NPAS3: variants seen among roughly 807,000 people sequenced by gnomAD.
NPAS3 encodes neuronal PAS domain-containing protein 3.
Under a neutral mutation model 73.1 loss-of-function variants are expected in NPAS3, and 14 were observed. That is an observed-to-expected ratio of 0.19 (90% CI 0.13 to 0.30). The LOEUF is 0.30. Among genes scored for constraint, NPAS3 ranks in the 10% least tolerant of loss-of-function variants. The probability of loss-of-function intolerance (pLI) is 1.00; values close to 1 mark genes in which losing one functional copy is unlikely to be tolerated. For synonymous variants in NPAS3, 620 were observed against 541.5 expected, an observed-to-expected ratio of 1.14 and a Z score of -2.01; for missense variants, 1,096 against 1,250.0, an observed-to-expected ratio of 0.88 and a Z score of 1.86.
At chr14:33,669,196 C>T (rs564871062) in intron 5 of NPAS3, among the ~76,000 whole-genome samples, 88 of 152,308 alleles carry the variant, frequency 5.8e-4, no homozygotes, top group African/African-American at 1.8e-3. Context: ...ACTTTTAAGA[C>T]TGTTAATGTT....
At chr14:33,727,247 T>A (rs1478578781) in intron 6 of NPAS3, among the ~76,000 whole-genome samples, 1 of 152,156 alleles carries the variant, frequency 6.6e-6, no homozygotes, top group Admixed American at 6.6e-5. Flanking sequence ...TAAAATAGTA[T>A]ATTAAAGTAA....
intron 6 of NPAS3, among the ~76,000 whole-genome samples, chr14:33,729,555 C>G (rs2061352314): frequency 6.6e-6 from 1 of 152,270 alleles, no homozygotes; most frequent in African/African-American, 2.4e-5. Context: ...CATCTGAAGG[C>G]TCACCTAAAG....
At chr14:33,617,625 A>G (rs1418771562) in intron 5 of NPAS3, among the ~76,000 whole-genome samples, 1 of 152,190 alleles carries the variant, frequency 6.6e-6, no homozygotes, top group African/African-American at 2.4e-5. Flanking sequence ...CTCAAAATTA[A>G]TATACATTTT....
At chr14:33,642,633 T>C (rs2058704637) in intron 5 of NPAS3, among the ~76,000 whole-genome samples, 2 of 152,148 alleles carry the variant, frequency 1.3e-5, no homozygotes. Context: ...ATAAATGCAA[T>C]TTTAGACTTG....
chr14:33,232,862 G>GTTACAATTTCACTTTA (rs748899211), intron 3 of NPAS3, among the ~76,000 whole-genome samples: 1,543 of 152,274 alleles, frequency 0.01, 10 homozygotes, highest in Middle Eastern at 0.031. Flanking sequence ...TTTAAGTACA[G>GTTACAATTTCACTTTA]GTTTCTCAGA....
chr14:33,613,761 C>G (rs2057826241), intron 5 of NPAS3, among the ~76,000 whole-genome samples: 1 of 152,130 alleles, frequency 6.6e-6, no homozygotes, highest in Admixed American at 6.5e-5. Flanking sequence ...CAAAATCTAT[C>G]CAATCTACAA....
chr14:33,219,768 T>C (rs2047354945), intron 3 of NPAS3, among the ~76,000 whole-genome samples: 1 of 152,160 alleles, frequency 6.6e-6, no homozygotes, highest in Non-Finnish European at 1.5e-5. Flanking sequence ...TGAGTACAGG[T>C]CGTACTCAGA....
Position 33,774,548 on chromosome 14 carries a change from T to C in NPAS3, c.1046+18T>C. The C allele has an allele frequency of 6.2e-6, 10 of 1,603,384 alleles. No homozygotes were observed. The highest frequency in any genetic ancestry group is 7.7e-6 in the Non-Finnish European group (9 of 1,170,708). The stretch of plus-strand genomic sequence containing the variant: ...GAAAATAGGTACTTTGTTTTTGTTT[T>C]CATTTGCCCTGTTGCACGTTGCACA... On this transcript the variant is annotated intron_variant, in intron 8 of 11. Transcript: ENST00000356141.
chr14:33,110,753 C>T (rs1395200924), intron 2 of NPAS3, among the ~76,000 whole-genome samples: 1 of 152,012 alleles, frequency 6.6e-6, no homozygotes, highest in Non-Finnish European at 1.5e-5. Flanking sequence ...ACCAAATGCG[C>T]ATTTCTATAT....
At chr14:33,596,827 A>G (rs1043781112) in intron 5 of NPAS3, among the ~76,000 whole-genome samples, 1 of 152,196 alleles carries the variant, frequency 6.6e-6, no homozygotes, top group Non-Finnish European at 1.5e-5. Context: ...TGATTGTGTG[A>G]CAGCTTCGTG....
chr14:33,446,297 T>G (rs1454452413), intron 4 of NPAS3, among the ~76,000 whole-genome samples: 1 of 149,904 alleles, frequency 6.7e-6, no homozygotes, highest in African/African-American at 2.4e-5. Flanking sequence ...TGCCTCAGCC[T>G]CCCGAGTAGC....
At chr14:33,657,294 A>G (rs1360227252) in intron 5 of NPAS3, among the ~76,000 whole-genome samples, 1 of 152,194 alleles carries the variant, frequency 6.6e-6, no homozygotes, top group Non-Finnish European at 1.5e-5. Flanking sequence ...GAGAGGAGAG[A>G]GGCCACATAC....
intron 5 of NPAS3, among the ~76,000 whole-genome samples, chr14:33,568,656 TAC>T (rs962839509): frequency 1.4e-4 from 21 of 152,316 alleles, no homozygotes; most frequent in Middle Eastern, 3.4e-3. Flanking sequence ...TTCATTTCTA[TAC>T]ACACACATTC....
intron 3 of NPAS3, among the ~76,000 whole-genome samples, chr14:33,318,627 T>A (rs2043306737): frequency 6.6e-6 from 1 of 152,150 alleles, no homozygotes; most frequent in African/African-American, 2.4e-5. Context: ...TAATAATTGC[T>A]GAATCAAGGT....
chr14:32,985,665 A>G (rs763553905), intron 1 of NPAS3, among the ~76,000 whole-genome samples: 5 of 152,312 alleles, frequency 3.3e-5, no homozygotes, highest in Non-Finnish European at 7.3e-5. Flanking sequence ...CTCATAAGAA[A>G]AGATACACCA....
chr14:33,735,587 G>A (rs1024217447), intron 7 of NPAS3, among the ~76,000 whole-genome samples: 2 of 152,026 alleles, frequency 1.3e-5, no homozygotes, highest in African/African-American at 4.8e-5. Context: ...TATGCCAAGT[G>A]CTTCAGCACC....
intron 3 of NPAS3, among the ~76,000 whole-genome samples, chr14:33,231,236 T>C (rs1249649006): frequency 6.6e-6 from 1 of 152,232 alleles, no homozygotes; most frequent in African/African-American, 2.4e-5. Flanking sequence ...AATTCTCTTA[T>C]GTAAAGGATT....
At position 33,628,655 on chromosome 14, in the gene NPAS3, G is replaced by C. The variant is rs146806463; in HGVS notation, c.559-47556G>C. Among the ~76,000 whole-genome samples the C allele has an allele frequency of 8.5e-5, 13 of 152,322 alleles. No individual in the cohort carries two copies. The East Asian group carries it at 2.5e-3, about 29-fold the overall frequency. On this transcript the variant is annotated intron_variant, in intron 5 of 11. Transcript: ENST00000356141. The stretch of plus-strand genomic sequence containing the variant: ...AGCCCAAAGATTATGTCAAGAAGTG[G>C]CTTGTAAGTGGCGGCTTGAAAGCTG...
chr14:33,095,685 T>TTTTTTTTTTG (rs2042389946), intron 2 of NPAS3, among the ~76,000 whole-genome samples: 1 of 126,754 alleles, frequency 7.9e-6, no homozygotes, highest in Non-Finnish European at 1.7e-5. Flanking sequence ...TTTTTTTTTT[T>TTTTTTTTTTG]TGAGAGGGAG....
Sources: gnomAD v4.1 joint callset for allele counts (sites outside exome capture counted in the v4.1 genomes callset) on GRCh38, gnomAD v4.1.1 for gene constraint, MANE v1.5 for transcripts, NCBI Gene and HGNC (gene_info 2026-07-23, HGNC 2026-07-21) for gene names.